The following PPP2R2B variants were observed in gnomAD, a reference collection of about 807,000 sequenced individuals.
PPP2R2B encodes protein phosphatase 2 regulatory subunit Bbeta.
A neutral mutation model predicts 46.0 loss-of-function variants in PPP2R2B; 5 were observed. The ratio of observed to expected loss-of-function variants is 0.11; its 90% CI spans 0.06 to 0.23. PPP2R2B has a LOEUF of 0.23. Among genes scored for constraint, PPP2R2B ranks in the 10% least tolerant of loss-of-function variants. PPP2R2B has a pLI of 1.00. For synonymous variants in PPP2R2B, 215 were observed against 206.7 expected (o/e 1.04, Z -0.34); for missense variants, 367 against 575.0 (o/e 0.64, Z 3.70).
At chr5:146,919,663 G>A (rs1763523138) in intron 1 of PPP2R2B, 1 of 152,130 alleles carries the variant, frequency 6.6e-6, no homozygotes, top group African/African-American at 2.4e-5. Context: ...CCTTTTAATG[G>A]GGTGCCCCTG....
At position 146,632,065 on chromosome 5, in the gene PPP2R2B, C is replaced by A. The variant is rs944729865; in HGVS notation, c.790+6186G>T. Among the ~76,000 whole-genome samples, 5 of 121,514 alleles carry A rather than the reference C, an allele frequency of 4.1e-5. No homozygotes were observed. The East Asian group carries it at 9.1e-4, about 22-fold the overall frequency. 79.7% of individuals were successfully genotyped at this position (121,514 alleles called of 152,430 possible). On this transcript the variant is annotated intron_variant, in intron 7 of 9. Transcript: ENST00000394411. ...TCCTACTATGGGCTGAGTTGTGCCCCCCCCCCCGCCCATTCATATATTGAA... is the reference window on the plus strand; with the variant it reads ...TCCTACTATGGGCTGAGTTGTGCCCACCCCCCCGCCCATTCATATATTGAA...
intron 1 of PPP2R2B, among the ~76,000 whole-genome samples, chr5:147,050,483 AG>A (rs1756756227): frequency 6.6e-6 from 1 of 152,148 alleles, no homozygotes; most frequent in Non-Finnish European, 1.5e-5. Context: ...AATATGAAAA[AG>A]GTACAAAATA....
intron 1 of PPP2R2B, among the ~76,000 whole-genome samples, chr5:146,907,997 A>G (rs372419823): frequency 3.3e-5 from 5 of 152,224 alleles, no homozygotes; most frequent in African/African-American, 1.2e-4. Context: ...ACTGCCGAGC[A>G]GAACAGCAGC....
At chr5:146,616,812 G>A (rs1773211242) in intron 7 of PPP2R2B, 1 of 152,188 alleles carries the variant, frequency 6.6e-6, no homozygotes, top group South Asian at 2.1e-4. Flanking sequence ...ACAGTTTCGA[G>A]ATTCCTCAAA....
intron 1 of PPP2R2B, among the ~76,000 whole-genome samples, chr5:146,944,477 T>C (rs1764418537): frequency 6.6e-6 from 1 of 152,198 alleles, no homozygotes; most frequent in Admixed American, 6.5e-5. Flanking sequence ...AACAGCAGCA[T>C]TCTTAGCCTT....
At chr5:146,665,332 CT>C (rs1216719160) in intron 5 of PPP2R2B, among the ~76,000 whole-genome samples, 1 of 152,332 alleles carries the variant, frequency 6.6e-6, no homozygotes, top group Middle Eastern at 3.4e-3. Flanking sequence ...TCTGCAGCTT[CT>C]ACATCAGCAC....
chr5:146,722,121 T>C (rs1002521799), intron 2 of PPP2R2B, among the ~76,000 whole-genome samples: 1 of 152,186 alleles, frequency 6.6e-6, no homozygotes, highest in Non-Finnish European at 1.5e-5. Flanking sequence ...CCTTCTAACA[T>C]AGGCAGTCTA....
intron 2 of PPP2R2B, among the ~76,000 whole-genome samples, chr5:146,833,725 C>T (rs2151356050): frequency 6.6e-6 from 1 of 152,082 alleles, no homozygotes; most frequent in South Asian, 2.1e-4. Flanking sequence ...TTCTGTCTCT[C>T]TCCCCCTGCC....
upstream of PPP2R2B, among the ~76,000 whole-genome samples, chr5:146,883,184 G>A (rs1005984258): frequency 1.3e-5 from 2 of 152,196 alleles, no homozygotes; most frequent in African/African-American, 4.8e-5. Flanking sequence ...CCTTTGGTGA[G>A]TAGTTTAACA....
intron 6 of PPP2R2B, among the ~76,000 whole-genome samples, chr5:146,644,167 A>G (rs183343721): frequency 3.0e-4 from 45 of 151,824 alleles, no homozygotes; most frequent in Admixed American, 2.6e-3. Context: ...AATAATATCA[A>G]TAAAAGAATA....
intron 1 of PPP2R2B, chr5:146,919,568 C>A (rs1763518398): frequency 6.6e-6 from 1 of 152,218 alleles, no homozygotes; most frequent in Admixed American, 6.5e-5. Context: ...AACAGACCAC[C>A]CAGCTGAGAC....
intron 2 of PPP2R2B, among the ~76,000 whole-genome samples, chr5:146,827,451 C>T (rs867425927): frequency 6.6e-6 from 1 of 151,858 alleles, no homozygotes; most frequent in Admixed American, 6.6e-5. Context: ...TTCAAAATGT[C>T]TTATGTAAAG....
chr5:146,873,542 GA>G (rs1469058863), intron 2 of PPP2R2B, among the ~76,000 whole-genome samples: 3 of 151,998 alleles, frequency 2.0e-5, no homozygotes, highest in African/African-American at 7.2e-5. Flanking sequence ...ATTTTATTAT[GA>G]AAATTCAAAC....
intron 1 of PPP2R2B, among the ~76,000 whole-genome samples, chr5:146,905,638 T>C (rs1762972055): frequency 1.3e-5 from 2 of 152,310 alleles, no homozygotes; most frequent in African/African-American, 4.8e-5. Flanking sequence ...ATAGTACATC[T>C]ATACAATGTA....
chr5:146,869,388 C>A (rs750542396), intron 2 of PPP2R2B, among the ~76,000 whole-genome samples: 1 of 152,208 alleles, frequency 6.6e-6, no homozygotes, highest in Non-Finnish European at 1.5e-5. Context: ...AAACGATTTT[C>A]TATCCACAGG....
intron 2 of PPP2R2B, among the ~76,000 whole-genome samples, chr5:146,720,217 C>T (rs1004863651): frequency 2.6e-5 from 4 of 152,176 alleles, no homozygotes; most frequent in African/African-American, 9.7e-5. Flanking sequence ...TTTGTCAGCA[C>T]TGCAAGTGCA....
At chr5:146,594,101 T>C (rs1394203374) in intron 8 of PPP2R2B, among the ~76,000 whole-genome samples, 2 of 152,288 alleles carry the variant, frequency 1.3e-5, no homozygotes, top group African/African-American at 2.4e-5. Context: ...GTAGGTACCA[T>C]GTTCACTTTT....
intron 4 of PPP2R2B, among the ~76,000 whole-genome samples, chr5:146,692,948 A>G (rs1778956439): frequency 6.6e-6 from 1 of 152,112 alleles, no homozygotes; most frequent in African/African-American, 2.4e-5. Context: ...TTGTTTTAAC[A>G]TATCTTTTTG....
At chr5:146,770,330 C>CA (rs5871992) in intron 2 of PPP2R2B, among the ~76,000 whole-genome samples, 749 of 59,904 alleles carry the variant, frequency 0.013, 7 homozygotes, top group African/African-American at 0.017. Flanking sequence ...GATTCCGTCT[C>CA]AAAAAAAAAA....
Sources: gnomAD v4.1 joint callset for allele counts (sites outside exome capture counted in the v4.1 genomes callset) on GRCh38, gnomAD v4.1.1 for gene constraint, MANE v1.5 for transcripts, NCBI Gene and HGNC (gene_info 2026-07-23, HGNC 2026-07-21) for gene names.